The following CD300E variants were observed in gnomAD, a reference collection of about 807,000 sequenced individuals.
CD300E encodes the protein CMRF35-like molecule 2.
Under a neutral mutation model 20.9 loss-of-function variants are expected in CD300E, and 14 were observed. The ratio of observed to expected loss-of-function variants is 0.67; its 90% CI spans 0.44 to 1.05. The LOEUF is 1.05. Ranked by LOEUF, CD300E falls within the 50% of genes least tolerant of loss-of-function variation. CD300E has a pLI of 0.00. For missense variants in CD300E, 237 were observed against 253.9 expected (o/e 0.93, Z 0.45); for synonymous variants, 102 against 103.7 (o/e 0.98, Z 0.10).
At chr17:74,619,557 C>T (rs2030975749) in intron 1 of CD300E, among the ~76,000 whole-genome samples, 1 of 152,150 alleles carries the variant, frequency 6.6e-6, no homozygotes, top group African/African-American at 2.4e-5. Context: ...TGATTACAAC[C>T]TGGGCTCCTT....
chr17:74,616,750 A>C (rs1394134306), intron 2 of CD300E, among the ~76,000 whole-genome samples: 1 of 152,150 alleles, frequency 6.6e-6, no homozygotes, highest in Admixed American at 6.5e-5. Flanking sequence ...ATTTCAAAAC[A>C]ACATGGTAGG....
rs140517260 is a variant in CD300E, at chr17:74,612,443, G to T, written c.*210C>A. The T allele has an allele frequency of 1.4e-4, 65 of 481,196 alleles. No individual in the cohort carries two copies. Among genetic ancestry groups the T allele is most frequent in the Admixed American group, 2.2e-4 (6 of 27,790 alleles). The allele number at this position is 481,196 out of a possible 1,614,324, so 29.8% of individuals were successfully genotyped here. A position where few individuals can be genotyped will look rare whatever the true frequency, so the allele number is the denominator to read the frequency against. The stretch of plus-strand genomic sequence containing the variant: ...AAGTGGGCATGAGGGCAGGGAGGCA[G>T]GGGACTGGGGAGGAGAAAGGAGGAC... On this transcript the variant is annotated 3_prime_UTR_variant, in exon 4 of 4. Coordinates refer to ENST00000392619, the MANE Select transcript of CD300E (RefSeq NM_181449.3).
rs1473543574 is a variant in CD300E at position 74,612,500 on chromosome 17, G to A, written c.*153C>T. ...GCTGCACATTGAGGACTCCAGAGGAGTGTCCTCTAAGAGCCAGGACCCTCC... is the reference window on the plus strand; with the variant it reads ...GCTGCACATTGAGGACTCCAGAGGAATGTCCTCTAAGAGCCAGGACCCTCC... On this transcript the variant is annotated 3_prime_UTR_variant, in exon 4 of 4. Transcript: ENST00000392619. 5.8e-6 allele frequency: 6 copies of A among 1,039,242 alleles called. No homozygotes were observed. The highest frequency in any genetic ancestry group is 1.6e-5 in the African/African-American group (1 of 62,432). 64.4% of individuals were successfully genotyped at this position (1,039,242 alleles called of 1,614,324 possible). A position where few individuals can be genotyped will look rare whatever the true frequency, so the allele number is the denominator to read the frequency against.
intron 2 of CD300E, among the ~76,000 whole-genome samples, chr17:74,614,669 A>G (rs750778501): frequency 5.3e-5 from 8 of 151,954 alleles, no homozygotes; most frequent in Non-Finnish European, 7.4e-5. Context: ...TTTAGTTGAG[A>G]TGGGGTTTCT....
Position 74,617,483 on chromosome 17 carries a change from G to T in CD300E, c.41-18C>A. ...CAAACAGCCTGGAAAACACAAGCCC[G>T]AGTCCCAAGTCTCCATCCAGATGGC... On this transcript the variant is annotated intron_variant, in intron 1 of 3. Transcript: ENST00000392619. The T allele has an allele frequency of 6.3e-7, 1 of 1,596,202 alleles. No homozygotes were observed. Among genetic ancestry groups the T allele is most frequent in the South Asian group, 1.1e-5 (1 of 90,048 alleles).
chr17:74,621,482 T>A (rs2031020909), intron 1 of CD300E, among the ~76,000 whole-genome samples: 1 of 152,116 alleles, frequency 6.6e-6, no homozygotes, highest in Non-Finnish European at 1.5e-5. Flanking sequence ...CCTGCTAGAG[T>A]GTTACCTGAA....
Position 74,610,432 on chromosome 17 carries a change from C to G in CD300E, c.*2221G>C, listed in dbSNP as rs1265836616. The G allele has an allele frequency of 6.6e-6, 1 of 152,250 alleles. No homozygotes were observed. The allele number at this position is 152,250 out of a possible 1,614,324, so 9.4% of individuals were successfully genotyped here. ...CCACATCTCTAGCTATCTGCTAGAC[C>G]TCTCTGCCTGATGATTCCAAACACA... On this transcript the variant is annotated 3_prime_UTR_variant, in exon 4 of 4. Transcript: ENST00000392619.
chr17:74,620,835 G>A (rs2143371958), intron 1 of CD300E, among the ~76,000 whole-genome samples: 1 of 152,184 alleles, frequency 6.6e-6, no homozygotes, highest in Non-Finnish European at 1.5e-5. Flanking sequence ...GCGGATCACT[G>A]GAGGTGAGAC....
chr17:74,613,209 A>T (rs1267451666), intron 3 of CD300E, among the ~76,000 whole-genome samples: 1 of 152,118 alleles, frequency 6.6e-6, no homozygotes, highest in Non-Finnish European at 1.5e-5. Flanking sequence ...GGCTCAAGTG[A>T]TTCTCCCACC....
chr17:74,623,697 G>A lies in CD300E; in HGVS notation c.-76C>T. ...ATCCAAGTATATGTAACGGAGCCTGGGTCATCCACTTTCTACTTGTCCAAG... is the reference window on the plus strand; with the variant it reads ...ATCCAAGTATATGTAACGGAGCCTGAGTCATCCACTTTCTACTTGTCCAAG... On this transcript the variant is annotated 5_prime_UTR_variant, in exon 1 of 4. Coordinates refer to ENST00000392619, the MANE Select transcript of CD300E (RefSeq NM_181449.3). The A allele has an allele frequency of 6.8e-7, 1 of 1,480,804 alleles. No individual in the cohort carries two copies. 91.7% of individuals were successfully genotyped at this position (1,480,804 alleles called of 1,614,324 possible).
rs199808829 is a variant in CD300E, at chr17:74,617,260, C to T, written c.246G>A (p.Pro82=). 72 of 1,614,204 alleles carry T rather than the reference C, an allele frequency of 4.5e-5. No individual in the cohort carries two copies. The highest frequency in any genetic ancestry group is 4.0e-4 in the East Asian group (18 of 44,876). ...RNGRVSIRDH[P]EALAFTVTMQ... ...TGGTCACAGTGAAGGCGAGAGCCTC[C>T]GGGTGGTCTCTGATGGACACGCGGC... is the stretch of plus-strand genomic sequence containing the variant. The change falls in exon 2 of 4, where the codon CCG becomes CCA. Residue 82 remains proline (P), a synonymous_variant. Transcript: ENST00000392619.
At chr17:74,613,296 T>C (rs2030825429) in intron 3 of CD300E, among the ~76,000 whole-genome samples, 1 of 152,004 alleles carries the variant, frequency 6.6e-6, no homozygotes, top group South Asian at 2.1e-4. Context: ...AGAGACAGGG[T>C]TTCACCATGT....
intron 2 of CD300E, among the ~76,000 whole-genome samples, chr17:74,615,056 A>T (rs2030871028): frequency 6.6e-6 from 1 of 152,192 alleles, no homozygotes; most frequent in African/African-American, 2.4e-5. Context: ...ACCCCGTTGG[A>T]GGGGCAGAGA....
intron 1 of CD300E, among the ~76,000 whole-genome samples, chr17:74,621,743 T>G (rs1490036048): frequency 6.6e-6 from 1 of 152,168 alleles, no homozygotes; most frequent in African/African-American, 2.4e-5. Flanking sequence ...TGGAAAGAGC[T>G]CTGTGGAGGA....
intron 1 of CD300E, among the ~76,000 whole-genome samples, chr17:74,620,079 C>T (rs555071960): frequency 6.6e-6 from 1 of 152,378 alleles, no homozygotes; most frequent in East Asian, 1.9e-4. Context: ...TGGCCCACGC[C>T]TGTAATCCCA....
intron 1 of CD300E, among the ~76,000 whole-genome samples, chr17:74,620,951 G>A (rs1333351259): frequency 6.6e-6 from 1 of 151,988 alleles, no homozygotes; most frequent in Admixed American, 6.6e-5. Context: ...GCCGAGGCAC[G>A]AGAATTGCTT....
In CD300E at chr17:74,621,524, C is replaced by T. The variant is rs565086690; in HGVS notation, c.40+2058G>A. ...ATTAGCATTTCTCAAGGAAATCCAG[C>T]ATGTTCCTGGAAATAATTGATGGAA... On this transcript the variant is annotated intron_variant, in intron 1 of 3. Coordinates refer to ENST00000392619, the MANE Select transcript of CD300E (RefSeq NM_181449.3). Among the ~76,000 whole-genome samples the T allele has an allele frequency of 1.3e-3, 195 of 152,294 alleles. 1 individual carries two copies. The highest frequency in any genetic ancestry group is 2.4e-3 in the Non-Finnish European group (163 of 68,030).
Position 74,623,697 on chromosome 17 carries a change from G to C in CD300E, c.-76C>G. 1 of 1,480,804 alleles carries C rather than the reference G, an allele frequency of 6.8e-7. No individual in the cohort carries two copies. Among genetic ancestry groups the C allele is most frequent in the Non-Finnish European group, 9.4e-7 (1 of 1,058,488 alleles). 91.7% of individuals were successfully genotyped at this position (1,480,804 alleles called of 1,614,324 possible). A position where few individuals can be genotyped will look rare whatever the true frequency, so the allele number is the denominator to read the frequency against. The stretch of plus-strand genomic sequence containing the variant: ...ATCCAAGTATATGTAACGGAGCCTG[G>C]GTCATCCACTTTCTACTTGTCCAAG... On this transcript the variant is annotated 5_prime_UTR_variant, in exon 1 of 4. Transcript: ENST00000392619.
At chr17:74,615,747 G>T (rs1005404070) in intron 2 of CD300E, among the ~76,000 whole-genome samples, 2 of 152,130 alleles carry the variant, frequency 1.3e-5, no homozygotes, top group African/African-American at 4.8e-5. Context: ...GTTTTGTCAG[G>T]TAGATAAGGA....
Sources: gnomAD v4.1 joint callset for allele counts (sites outside exome capture counted in the v4.1 genomes callset) on GRCh38, gnomAD v4.1.1 for gene constraint, MANE v1.5 for transcripts, NCBI Gene and HGNC (gene_info 2026-07-23, HGNC 2026-07-21) for gene names.